SSH1: variants seen among roughly 807,000 people sequenced by gnomAD.
SSH1 encodes protein phosphatase Slingshot homolog 1.
A neutral mutation model predicts 79.7 loss-of-function variants in SSH1; 43 were observed. The observed-to-expected ratio is 0.54, with a 90% CI of 0.42 to 0.70. SSH1 has a LOEUF of 0.70. Ranked by LOEUF, SSH1 falls within the 30% of genes least tolerant of loss-of-function variation. The pLI is 0.00. For missense variants in SSH1, 1,206 were observed against 1,358.8 expected (o/e 0.89, Z 1.77); for synonymous variants, 599 against 538.3 (o/e 1.11, Z -1.56).
rs368650489 is a variant in SSH1, at chr12:108,779,452, G to C, written c.*8536C>G. On this transcript the variant is annotated 3_prime_UTR_variant, in exon 15 of 15. Coordinates refer to ENST00000326495, the MANE Select transcript of SSH1 (RefSeq NM_018984.4). ...TTTGTCTGGCTTCTTTCTACTTCTGGGGTGGGAGAGACAGCTCTGGGAAGG... is the reference window on the plus strand; with the variant it reads ...TTTGTCTGGCTTCTTTCTACTTCTGCGGTGGGAGAGACAGCTCTGGGAAGG... The C allele has an allele frequency of 3.3e-5, 5 of 152,246 alleles. No individual in the cohort carries two copies. The East Asian group carries it at 9.7e-4, about 29-fold the overall frequency. The allele number at this position is 152,246 out of a possible 1,614,324, so 9.4% of individuals were successfully genotyped here.
At position 108,792,613 on chromosome 12, in the gene SSH1, A is replaced by T. The variant is rs372028255; in HGVS notation, c.1566T>A (p.Pro522=). The change falls in exon 14 of 15, where the codon CCT becomes CCA. Residue 522 remains proline, a synonymous_variant. Transcript: ENST00000326495. Reference sequence around the variant, plus strand: ...GGACCAAGCTGCCAGTTTCATCCTCAGGGGAAGGCAGAAGGGGGTCTGAGA... The same window carrying T: ...GGACCAAGCTGCCAGTTTCATCCTCTGGGGAAGGCAGAAGGGGGTCTGAGA... ...RRLSDPLLPS[P]EDETGSLVHL... 1,108 of 1,611,886 alleles carry T rather than the reference A, an allele frequency of 6.9e-4. 13 individuals carry two copies. The South Asian group carries it at 0.011, about 16-fold the overall frequency.
chr12:108,792,283 T>C lies in SSH1; in HGVS notation c.1893+3A>G. 6.2e-7 allele frequency: 1 copy of C among 1,614,188 alleles called. No homozygotes were observed. The highest frequency in any genetic ancestry group is 2.2e-5 in the East Asian group (1 of 44,884). ...GCCACCCTGCAGGCCGGGCTCTGCC[T>C]ACCTCCATGCCGTTGGGACAGCTCC... On this transcript the variant is annotated splice_donor_region_variant and intron_variant, in intron 14 of 14. Transcript: ENST00000326495.
intron 4 of SSH1, 60 bp from the exon 5 acceptor site, chr12:108,817,219 T>A (rs771757584): frequency 6.2e-7 from 1 of 1,603,840 alleles, no homozygotes; most frequent in African/African-American, 1.3e-5. Context: ...CTCCCTCCCA[T>A]CTCCAATGCA....
intron 5 of SSH1, among the ~76,000 whole-genome samples, chr12:108,813,253 T>C (rs2037709116): frequency 6.6e-6 from 1 of 152,140 alleles, no homozygotes; most frequent in African/African-American, 2.4e-5. Flanking sequence ...TCCAAGTTCC[T>C]AGGGCCTGTA....
intron 13 of SSH1, among the ~76,000 whole-genome samples, chr12:108,798,473 G>A (rs1308872842): frequency 2.6e-5 from 4 of 152,156 alleles, no homozygotes; most frequent in South Asian, 2.1e-4. Flanking sequence ...TAAGCAGCTC[G>A]GACTACAAGT....
Position 108,811,288 on chromosome 12 carries a change from C to T in SSH1, c.442G>A (p.Asp148Asn), listed in dbSNP as rs375649624. 2 of 1,614,094 alleles carry T rather than the reference C, an allele frequency of 1.2e-6. No individual in the cohort carries two copies. Among genetic ancestry groups the T allele is most frequent in the African/African-American group, 1.3e-5 (1 of 74,934 alleles). The change falls in exon 6 of 15, where the codon GAC becomes AAC. Residue 148 changes from aspartate (D) to asparagine (N), a missense_variant. Transcript: ENST00000326495. Reference protein sequence around the residue: ...TIGMVLRLWSDTKIHLDGDGG... With the variant: ...TIGMVLRLWSNTKIHLDGDGG... ...TCTCCATCAAGGTGGATTTTCGTGT[C>T]GCTCCACAGTCGGAGAACCATCCCA...
chr12:108,817,351 A>T, intron 4 of SSH1, 192 bp from the exon 5 acceptor site: 1 of 677,894 alleles, frequency 1.5e-6, no homozygotes. Context: ...AGGTAGGCAG[A>T]TCACTTGAGG....
In SSH1 at chr12:108,809,906, C is replaced by T. The variant is rs1385967306; in HGVS notation, c.471-148G>A. 5 of 724,712 alleles carry T rather than the reference C, an allele frequency of 6.9e-6. No homozygotes were observed. The East Asian group carries it at 1.3e-4, about 19-fold the overall frequency. The allele number at this position is 724,712 out of a possible 1,614,324, so 44.9% of individuals were successfully genotyped here. On this transcript the variant is annotated intron_variant, in intron 6 of 14. Coordinates refer to ENST00000326495, the MANE Select transcript of SSH1 (RefSeq NM_018984.4). ...ATGATGAGGGATTTTACGGAACCCG[C>T]TTTCGCAGAGACATGGGCAAGGGCA...
Position 108,835,405 on chromosome 12 carries a change from A to G in SSH1, c.111-12044T>C, listed in dbSNP as rs552537821. On this transcript the variant is annotated intron_variant, in intron 2 of 14. Transcript: ENST00000326495. ...GCCGAGATTGTGCCACAGCACTGCA[A>G]CAGAGTAAGACTCCGTCTTAAAAAA... Among the ~76,000 whole-genome samples, 16 of 152,294 alleles carry G rather than the reference A, an allele frequency of 1.1e-4. No homozygotes were observed. In the South Asian group the frequency reaches 2.1e-3, roughly 20 times the overall value.
chr12:108,792,323 T>C lies in SSH1; in HGVS notation c.1856A>G (p.Asn619Ser), dbSNP rs1333359711. 1 of 1,614,034 alleles carries C rather than the reference T, an allele frequency of 6.2e-7. No homozygotes were observed. Among genetic ancestry groups the C allele is most frequent in the African/African-American group, 1.3e-5 (1 of 74,900 alleles). ...DQNLLNSENL[N>S]NNSKRSCPNG... Reference sequence around the variant, plus strand: ...GGGACAGCTCCTCTTGCTGTTGTTGTTTAGGTTCTCCGAGTTGAGCAGGTT... The same window carrying C: ...GGGACAGCTCCTCTTGCTGTTGTTGCTTAGGTTCTCCGAGTTGAGCAGGTT... The change falls in exon 14 of 15, where the codon AAC becomes AGC. Residue 619 changes from asparagine (N) to serine (S), a missense_variant. By Grantham distance (46) the Asn-to-Ser change is conservative. This residue lies in a region of SSH1 where 709 missense variants were observed against 730.6 expected (regional missense o/e 0.97). Transcript: ENST00000326495.
chr12:108,780,620 C>T lies in SSH1; in HGVS notation c.*7368G>A, dbSNP rs976234834. ...ATCCCACCCCATTCATGGCTGGAAC[C>T]CAAAGAGAATTTGTTAGCTATCTTC... On this transcript the variant is annotated 3_prime_UTR_variant, in exon 15 of 15. Transcript: ENST00000326495. The T allele has an allele frequency of 6.6e-6, 1 of 152,174 alleles. No individual in the cohort carries two copies. The allele number at this position is 152,174 out of a possible 1,614,324, so 9.4% of individuals were successfully genotyped here. A position where few individuals can be genotyped will look rare whatever the true frequency, so the allele number is the denominator to read the frequency against.
chr12:108,852,759 C>T (rs1349965129), intron 1 of SSH1, 81 bp from the exon 2 acceptor site: 3 of 1,608,980 alleles, frequency 1.9e-6, no homozygotes, highest in African/African-American at 1.3e-5. Context: ...TTTTCTACCC[C>T]GGTACTGGAA....
chr12:108,787,733 G>A lies in SSH1; in HGVS notation c.*255C>T. Reference sequence around the variant, plus strand: ...AAACATGGTTCTTCTTGAAGACACGGTGGGAGCGGAGTTTTGTGTCTCCTG... The same window carrying A: ...AAACATGGTTCTTCTTGAAGACACGATGGGAGCGGAGTTTTGTGTCTCCTG... On this transcript the variant is annotated 3_prime_UTR_variant, in exon 15 of 15. Coordinates refer to ENST00000326495, the MANE Select transcript of SSH1 (RefSeq NM_018984.4). 1 of 546,950 alleles carries A rather than the reference G, an allele frequency of 1.8e-6. No individual in the cohort carries two copies. The allele number at this position is 546,950 out of a possible 1,614,324, so 33.9% of individuals were successfully genotyped here.
chr12:108,800,953 A>G (rs2036974208), intron 11 of SSH1, 27 bp from the exon 12 acceptor site: 19 of 1,605,556 alleles, frequency 1.2e-5, no homozygotes, highest in Non-Finnish European at 1.6e-5. Context: ...ATAAGAAACA[A>G]ATTTGGACAA....
intron 10 of SSH1, among the ~76,000 whole-genome samples, chr12:108,804,350 G>A (rs1474259886): frequency 1.3e-5 from 2 of 152,248 alleles, no homozygotes; most frequent in Non-Finnish European, 2.9e-5. Flanking sequence ...GGTGGGCCCT[G>A]ATTTTCATTA....
chr12:108,853,700 G>C (rs2039089962), intron 1 of SSH1, among the ~76,000 whole-genome samples: 1 of 152,138 alleles, frequency 6.6e-6, no homozygotes, highest in African/African-American at 2.4e-5. Context: ...GAGGTGGGCG[G>C]ATCACCTGAG....
intron 2 of SSH1, among the ~76,000 whole-genome samples, chr12:108,835,886 A>ATATAG (rs2038594924): frequency 8.2e-6 from 1 of 122,102 alleles, no homozygotes; most frequent in African/African-American, 2.9e-5. Context: ...ATATTAATTA[A>ATATAG]TTATAACTAT....
At chr12:108,806,484 C>G (rs1027506217) in intron 8 of SSH1, 90 bp from the exon 9 acceptor site, 1 of 1,165,106 alleles carries the variant, frequency 8.6e-7, no homozygotes, top group African/African-American at 1.5e-5. Flanking sequence ...TGGGTCTAAA[C>G]AGAACACGGC....
intron 2 of SSH1, among the ~76,000 whole-genome samples, chr12:108,836,654 A>AT (rs2038639089): frequency 6.6e-6 from 1 of 152,232 alleles, no homozygotes; most frequent in Non-Finnish European, 1.5e-5. Context: ...GGATATTAAC[A>AT]TAATTTTAAA....
Sources: gnomAD v4.1 joint callset for allele counts (sites outside exome capture counted in the v4.1 genomes callset) on GRCh38, gnomAD v4.1.1 for gene constraint, gnomAD v4.1.1 regional missense constraint, MANE v1.5 for transcripts, NCBI Gene and HGNC (gene_info 2026-07-23, HGNC 2026-07-21) for gene names.